The following SLA2 variants were observed in gnomAD, a reference collection of about 807,000 sequenced individuals.
The protein encoded by SLA2 is src-like-adapter 2.
Under a neutral mutation model 27.3 loss-of-function variants are expected in SLA2, and 22 were observed. The observed-to-expected ratio is 0.81, with a 90% CI of 0.58 to 1.15. SLA2 has a LOEUF of 1.15. Among genes scored for constraint, SLA2 ranks in the 50% most tolerant of loss-of-function variants. The pLI, the probability that SLA2 is intolerant of heterozygous loss-of-function variation, is 0.00. For synonymous variants in SLA2, 131 were observed against 137.8 expected, an observed-to-expected ratio of 0.95 and a Z score of 0.34; for missense variants, 304 against 322.2, an observed-to-expected ratio of 0.94 and a Z score of 0.43.
intron 5 of SLA2, among the ~76,000 whole-genome samples, chr20:36,623,728 G>T (rs1193806926): frequency 1.3e-5 from 2 of 151,808 alleles, no homozygotes; most frequent in Non-Finnish European, 2.9e-5. Context: ...TCCTGGGCTT[G>T]AGTGATCCTG....
At position 36,615,224 on chromosome 20, in the gene SLA2, C is replaced by T; in HGVS notation, c.532+1G>A. Reference sequence around the variant, plus strand: ...GTCCTGGAGGCAGGGAAAGGCCATACCAGAGTAATGGTCCACCAGGGCCTG... The same window carrying T: ...GTCCTGGAGGCAGGGAAAGGCCATATCAGAGTAATGGTCCACCAGGGCCTG... On this transcript the variant is annotated splice_donor_variant, in intron 6 of 7. Coordinates refer to ENST00000262866, the MANE Select transcript of SLA2 (RefSeq NM_032214.4). LOFTEE classifies it high-confidence loss of function. 6.2e-7 allele frequency: 1 copy of T among 1,614,116 alleles called. No homozygotes were observed. The highest frequency in any genetic ancestry group is 1.1e-5 in the South Asian group (1 of 91,090).
At chr20:36,618,906 C>CAAA (rs35436767) in intron 5 of SLA2, among the ~76,000 whole-genome samples, 14 of 40,342 alleles carry the variant, frequency 3.5e-4, no homozygotes, top group Admixed American at 9.4e-4. Flanking sequence ...AACTCCATCT[C>CAAA]AAAAAAAAAA....
intron 7 of SLA2, 88 bp from the exon 8 acceptor site, chr20:36,614,074 C>A (rs1482086736): frequency 1.3e-6 from 2 of 1,564,346 alleles, no homozygotes; most frequent in Non-Finnish European, 1.7e-6. Flanking sequence ...TCTCAAAACC[C>A]TTCACTCCTG....
At chr20:36,636,409 C>T (rs1600830815) in intron 2 of SLA2, among the ~76,000 whole-genome samples, 1 of 117,478 alleles carries the variant, frequency 8.5e-6, no homozygotes, top group Non-Finnish European at 1.6e-5. Flanking sequence ...GCCTGGGCGA[C>T]AGAGCAAGAC....
chr20:36,634,809 A>AGAGAGAG (rs1568608200), intron 2 of SLA2, among the ~76,000 whole-genome samples: 12 of 146,108 alleles, frequency 8.2e-5, no homozygotes, highest in African/African-American at 3.3e-4. Flanking sequence ...GAGAGAGAGA[A>AGAGAGAG]AGAAAGAAAA....
Position 36,615,376 on chromosome 20 carries a change from TGAG to T in SLA2, c.383-5_383-3del. The T allele has an allele frequency of 6.2e-7, 1 of 1,613,368 alleles. No homozygotes were observed. Among genetic ancestry groups the T allele is most frequent in the Non-Finnish European group, 8.5e-7 (1 of 1,179,970 alleles). ...GGCGGACTGACAGAGAGTAAGAGCC[TGAG>T]GAGAAAGGGGTCCAGGGGTGGCACT... On this transcript the variant is annotated splice_region_variant and splice_polypyrimidine_tract_variant and intron_variant, in intron 5 of 7. Coordinates refer to ENST00000262866, the MANE Select transcript of SLA2 (RefSeq NM_032214.4).
intron 5 of SLA2, among the ~76,000 whole-genome samples, chr20:36,618,317 A>G (rs756163684): frequency 2.6e-5 from 4 of 151,160 alleles, no homozygotes; most frequent in East Asian, 2.0e-4. Flanking sequence ...ACTCACCACA[A>G]CCTCCGCCTT....
rs1315277424 is a variant in SLA2, at chr20:36,633,625, C to T, written c.196G>A (p.Gly66Arg). Reference protein sequence around the residue: ...GEPLTIVSEDGDWWTVLSEVS... With the variant: ...GEPLTIVSEDRDWWTVLSEVS... ...TCAGACAGCACCGTCCACCAGTCTCCATCCCTGGAGAGAGAAAGGAGTGGG... is the reference window on the plus strand; with the variant it reads ...TCAGACAGCACCGTCCACCAGTCTCTATCCCTGGAGAGAGAAAGGAGTGGG... Residue 66 changes from glycine (G) to arginine (R), a missense_variant, in exon 4 of 8, where the codon GGA becomes AGA. By Grantham distance (125) the Gly-to-Arg change is moderately radical. Transcript: ENST00000262866. 2 of 1,613,648 alleles carry T rather than the reference C, an allele frequency of 1.2e-6. No homozygotes were observed. The highest frequency in any genetic ancestry group is 1.7e-6 in the Non-Finnish European group (2 of 1,179,648).
chr20:36,635,738 A>G (rs1484018095), intron 2 of SLA2, among the ~76,000 whole-genome samples: 2 of 151,952 alleles, frequency 1.3e-5, no homozygotes, highest in Non-Finnish European at 2.9e-5. Flanking sequence ...GTGCTCTCTG[A>G]TGAGAATGGG....
At chr20:36,633,248 T>G (rs2039410348) in intron 4 of SLA2, among the ~76,000 whole-genome samples, 1 of 152,140 alleles carries the variant, frequency 6.6e-6, no homozygotes, top group South Asian at 2.1e-4. Context: ...TCACGCCACA[T>G]GCTGCCATCT....
intron 5 of SLA2, among the ~76,000 whole-genome samples, chr20:36,616,494 C>T (rs934211829): frequency 6.6e-6 from 1 of 151,816 alleles, no homozygotes; most frequent in African/African-American, 2.4e-5. Context: ...CCACCACGCC[C>T]GGCTAATTTT....
chr20:36,614,753 CCA>C, intron 6 of SLA2: 2 of 985,408 alleles, frequency 2.0e-6, no homozygotes, highest in Non-Finnish European at 2.4e-6. Flanking sequence ...CTGTCTACTT[CCA>C]CACAGAGTGA....
At chr20:36,615,399 G>A in intron 5 of SLA2, 25 bp from the exon 6 acceptor site, 2 of 1,612,242 alleles carry the variant, frequency 1.2e-6, no homozygotes, top group Non-Finnish European at 1.7e-6. Flanking sequence ...GTCCAGGGGT[G>A]GCACTGAGGC....
chr20:36,644,832 C>T (rs147194545), intron 1 of SLA2, among the ~76,000 whole-genome samples: 5 of 148,718 alleles, frequency 3.4e-5, no homozygotes, highest in Admixed American at 6.8e-5. Flanking sequence ...AGTTAGTCAA[C>T]GGCAGCCGAG....
intron 2 of SLA2, among the ~76,000 whole-genome samples, chr20:36,636,474 G>A (rs764224424): frequency 2.7e-5 from 4 of 148,810 alleles, no homozygotes; most frequent in African/African-American, 7.4e-5. Context: ...ATGTGGTGGT[G>A]CACGCCTGTA....
chr20:36,614,356 G>A lies in SLA2; in HGVS notation c.614C>T (p.Pro205Leu). 1.2e-6 allele frequency: 2 copies of A among 1,614,180 alleles called. No individual in the cohort carries two copies. The highest frequency in any genetic ancestry group is 1.7e-6 in the Non-Finnish European group (2 of 1,180,034). ...TGTCCTCTGCACAGTCACAGGTAGG[G>A]GTATATCCTTGCCAGGGAGCGGGCC... is the stretch of plus-strand genomic sequence containing the variant. Reference protein sequence around the residue: ...RAGPLPGKDIPLPVTVQRTPL... With the variant: ...RAGPLPGKDILLPVTVQRTPL... Residue 205 changes from proline (P) to leucine (L), a missense_variant, in exon 7 of 8, where the codon CCC becomes CTC. Transcript: ENST00000262866.
intron 5 of SLA2, among the ~76,000 whole-genome samples, chr20:36,630,176 G>T (rs1305861811): frequency 6.6e-6 from 1 of 152,192 alleles, no homozygotes; most frequent in Non-Finnish European, 1.5e-5. Flanking sequence ...CCGCAACGCT[G>T]CTGTGGTTTC....
chr20:36,629,351 G>A (rs946274462), intron 5 of SLA2, among the ~76,000 whole-genome samples: 1 of 151,690 alleles, frequency 6.6e-6, no homozygotes, highest in African/African-American at 2.4e-5. Flanking sequence ...CATGGATCCC[G>A]CTGGGCGCGG....
intron 5 of SLA2, among the ~76,000 whole-genome samples, chr20:36,630,339 C>T (rs55804368): frequency 0.033 from 4,962 of 152,254 alleles, 128 homozygotes; most frequent in Non-Finnish European, 0.059. Context: ...AGAGGAGAGA[C>T]AAAGAAGCTG....
Sources: allele counts gnomAD v4.1 joint callset (sites outside exome capture counted in the v4.1 genomes callset), GRCh38; gene constraint gnomAD v4.1.1; transcripts MANE v1.5; gene names NCBI Gene and HGNC (gene_info 2026-07-23, HGNC 2026-07-21).